Variants in TMEM131 observed in about 807,000 individuals in gnomAD.
TMEM131 encodes transmembrane protein 131.
Under a neutral mutation model 211.6 loss-of-function variants are expected in TMEM131, and 66 were observed. That is an observed-to-expected ratio of 0.31 (90% confidence interval 0.26 to 0.38). The LOEUF is 0.38. Ranked by LOEUF, TMEM131 falls within the 10% of genes least tolerant of loss-of-function variation. The pLI, the probability that TMEM131 is intolerant of heterozygous loss-of-function variation, is 1.00. For missense variants in TMEM131, 2,036 were observed against 2,299.3 expected (o/e 0.89, Z 2.34); for synonymous variants, 844 against 841.3 (o/e 1.00, Z -0.06).
intron 2 of TMEM131, among the ~76,000 whole-genome samples, chr2:97,922,337 G>A (rs1204867996): frequency 6.6e-6 from 1 of 152,072 alleles, no homozygotes; most frequent in African/African-American, 2.4e-5. Context: ...CATGGCATGG[G>A]GGTTGGGGAT....
rs755361181 is a variant in TMEM131 at position 97,786,642 on chromosome 2, G to A, written c.4144+5744C>T. Among the ~76,000 whole-genome samples, 15 of 152,344 alleles carry A rather than the reference G, an allele frequency of 9.8e-5. No homozygotes were observed. In the South Asian group the frequency reaches 1.9e-3, roughly 19 times the overall value. On this transcript the variant is annotated intron_variant, in intron 31 of 40. Transcript: ENST00000186436. ...GAACACTTAGGCTGCTAAATGTTTA[G>A]TGTAGAGAACCACCCACTAGCTATA...
chr2:97,760,874 A>G lies in TMEM131; in HGVS notation c.4930T>C (p.Leu1644=), dbSNP rs1222012473. The G allele has an allele frequency of 1.2e-6, 2 of 1,614,016 alleles. No individual in the cohort carries two copies. Among genetic ancestry groups the G allele is most frequent in the Non-Finnish European group, 1.7e-6 (2 of 1,179,896 alleles). The change falls in exon 37 of 41, where the codon TTG becomes CTG. Residue 1644 remains leucine (L), a synonymous_variant. Transcript: ENST00000186436. ...CCCGGGAGCGAGGCTGCCTTTGTCA[A>G]CTTGTGTTTGCTTCCATTTGGCTGT... ...IKQPNGSKHK[L]TKAASLPGKN...
intron 4 of TMEM131, among the ~76,000 whole-genome samples, chr2:97,861,582 G>A (rs1055713583): frequency 4.6e-5 from 7 of 151,870 alleles, no homozygotes; most frequent in African/African-American, 7.3e-5. Context: ...TAGCCTGGCG[G>A]TATTCTCCGT....
rs570895257 is a variant in TMEM131, at chr2:97,871,392, G to A, written c.360-11965C>T. ...GGATGATAATAACCTTTCCCAAAACGAAACTGCTTCTGAAAACTAATGAAA... is the reference window on the plus strand; with the variant it reads ...GGATGATAATAACCTTTCCCAAAACAAAACTGCTTCTGAAAACTAATGAAA... On this transcript the variant is annotated intron_variant, in intron 4 of 40. Transcript: ENST00000186436. 2.8e-4 allele frequency among the ~76,000 whole-genome samples: 43 copies of A among 152,284 alleles called. 2 individuals carry two copies. In the South Asian group the frequency reaches 3.3e-3, roughly 12 times the overall value.
intron 1 of TMEM131, among the ~76,000 whole-genome samples, chr2:97,941,344 C>A (rs546960667): frequency 9.9e-5 from 15 of 152,096 alleles, no homozygotes; most frequent in African/African-American, 2.9e-4. Flanking sequence ...TAAAGACTTA[C>A]ATGTTAGACC....
chr2:97,995,345 G>A (rs1218461814), intron 1 of TMEM131, 131 bp downstream of exon 1: 8 of 920,306 alleles, frequency 8.7e-6, no homozygotes, highest in African/African-American at 1.7e-5. Context: ...GTCCCGGCTC[G>A]GGACGGTACC....
At chr2:97,903,104 T>C (rs1675926193) in intron 3 of TMEM131, among the ~76,000 whole-genome samples, 1 of 152,196 alleles carries the variant, frequency 6.6e-6, no homozygotes. Flanking sequence ...AAAGATTAAT[T>C]TTTCAATATT....
At chr2:97,794,382 T>C (rs1304827545) in intron 29 of TMEM131, among the ~76,000 whole-genome samples, 1 of 152,190 alleles carries the variant, frequency 6.6e-6, no homozygotes, top group East Asian at 1.9e-4. Flanking sequence ...AGGTTTTATA[T>C]GGAGGCAATA....
At chr2:97,937,433 T>A (rs1396547449) in intron 1 of TMEM131, among the ~76,000 whole-genome samples, 5 of 152,056 alleles carry the variant, frequency 3.3e-5, no homozygotes, top group Admixed American at 6.5e-5. Context: ...AAACACCATC[T>A]GTACAACAGG....
chr2:97,796,325 T>C lies in TMEM131; in HGVS notation c.3093A>G (p.Ile1031Met), dbSNP rs1222676633. Reference sequence around the variant, plus strand: ...AGTATCCACTGATTTCAATGGTTTCTATGTGAATTTGAAGTTGTCCTGTAT... The same window carrying C: ...AGTATCCACTGATTTCAATGGTTTCCATGTGAATTTGAAGTTGTCCTGTAT... ...VENTGQLQIH[I>M]ETIEISGYSC... Residue 1031 changes from isoleucine to methionine, a missense_variant, in exon 28 of 41, where the codon ATA becomes ATG. Around this residue, in one of 3 missense-constraint regions of TMEM131, gnomAD observed 1,623 missense variants for 1,805.9 expected, o/e 0.90. Transcript: ENST00000186436. 6.4e-7 allele frequency: 1 copy of C among 1,555,526 alleles called. No homozygotes were observed. Among genetic ancestry groups the C allele is most frequent in the Non-Finnish European group, 8.7e-7 (1 of 1,151,070 alleles).
chr2:97,908,546 A>G (rs1676165022), intron 3 of TMEM131, 112 bp downstream of exon 3: 2 of 733,122 alleles, frequency 2.7e-6, no homozygotes, highest in Admixed American at 2.7e-5. Context: ...TGTGATTTAC[A>G]ATTTGCTATT....
At chr2:97,941,196 C>A (rs1264477941) in intron 1 of TMEM131, among the ~76,000 whole-genome samples, 1 of 152,138 alleles carries the variant, frequency 6.6e-6, no homozygotes, top group African/African-American at 2.4e-5. Context: ...TGATCTTTGA[C>A]AAACCTGACA....
chr2:97,910,114 A>G (rs1676232696), intron 2 of TMEM131, among the ~76,000 whole-genome samples: 1 of 152,228 alleles, frequency 6.6e-6, no homozygotes, highest in Non-Finnish European at 1.5e-5. Context: ...GCCAGTAGGC[A>G]CTTTAAAAGA....
Position 97,905,848 on chromosome 2 carries a change from G to T in TMEM131, c.290+2810C>A, listed in dbSNP as rs568775241. Reference sequence around the variant, plus strand: ...CCTGGATGCCACCGGCCCTCCTCAAGATAAGCCTCTGTAGCACAAAGCCTG... The same window carrying T: ...CCTGGATGCCACCGGCCCTCCTCAATATAAGCCTCTGTAGCACAAAGCCTG... On this transcript the variant is annotated intron_variant, in intron 3 of 40. Coordinates refer to ENST00000186436, the MANE Select transcript of TMEM131 (RefSeq NM_015348.2). 4.6e-5 allele frequency among the ~76,000 whole-genome samples: 7 copies of T among 152,256 alleles called. No homozygotes were observed. In the East Asian group the frequency reaches 1.4e-3, roughly 29 times the overall value.
At chr2:97,891,178 G>A (rs1008652966) in intron 3 of TMEM131, among the ~76,000 whole-genome samples, 1 of 152,146 alleles carries the variant, frequency 6.6e-6, no homozygotes, top group African/African-American at 2.4e-5. Flanking sequence ...ATGTAATATT[G>A]AAAAACAAAC....
chr2:97,765,854 C>T (rs560823481), intron 35 of TMEM131, among the ~76,000 whole-genome samples: 1 of 151,982 alleles, frequency 6.6e-6, no homozygotes, highest in East Asian at 1.9e-4. Flanking sequence ...CAGTGGTGTG[C>T]TAGTATACCA....
intron 4 of TMEM131, among the ~76,000 whole-genome samples, chr2:97,878,233 C>T (rs1413697395): frequency 3.3e-5 from 5 of 152,150 alleles, no homozygotes; most frequent in African/African-American, 7.2e-5. Flanking sequence ...GAAACAGGAA[C>T]GCTTTTACAC....
chr2:97,861,070 C>T (rs1674047103), intron 4 of TMEM131, among the ~76,000 whole-genome samples: 1 of 152,170 alleles, frequency 6.6e-6, no homozygotes, highest in Non-Finnish European at 1.5e-5. Flanking sequence ...TGGCTGAACT[C>T]AGCGGTCGCC....
At chr2:97,804,003 C>T (rs951995786) in intron 22 of TMEM131, among the ~76,000 whole-genome samples, 2 of 152,190 alleles carry the variant, frequency 1.3e-5, no homozygotes, top group Non-Finnish European at 2.9e-5. Flanking sequence ...ATTCGACTTT[C>T]TTTTGCCTTA....
Sources: gnomAD v4.1 joint callset for allele counts (sites outside exome capture counted in the v4.1 genomes callset) on GRCh38, gnomAD v4.1.1 for gene constraint, gnomAD v4.1.1 regional missense constraint, MANE v1.5 for transcripts, NCBI Gene and HGNC (gene_info 2026-07-23, HGNC 2026-07-21) for gene names.